Variants in KDM5A observed in about 807,000 individuals in gnomAD.
KDM5A encodes lysine demethylase 5A.
Under a neutral mutation model 193.5 loss-of-function variants are expected in KDM5A, and 42 were observed. The ratio of observed to expected loss-of-function variants is 0.22; its 90% CI spans 0.17 to 0.28. KDM5A has a LOEUF of 0.28. KDM5A is among the 10% of genes least tolerant of loss of function. The pLI, the probability that KDM5A is intolerant of heterozygous loss-of-function variation, is 1.00. For missense variants in KDM5A, 1,692 were observed against 2,055.1 expected (o/e 0.82, Z 3.42); for synonymous variants, 796 against 718.1 (o/e 1.11, Z -1.73).
intron 4 of KDM5A, among the ~76,000 whole-genome samples, chr12:365,108 A>G (rs1275098535): frequency 6.6e-6 from 1 of 152,030 alleles, no homozygotes; most frequent in Non-Finnish European, 1.5e-5. Flanking sequence ...GCTGGAGTGC[A>G]GTGGCAGGAT....
chr12:318,165 C>G lies in KDM5A; in HGVS notation c.2838G>C (p.Gln946His). Residue 946 changes from glutamine to histidine, a missense_variant, in exon 19 of 28, where the codon CAG becomes CAC. Around this residue, in one of 11 missense-constraint regions of KDM5A, gnomAD observed 965 missense variants for 1,061.0 expected, o/e 0.91. Transcript: ENST00000399788. Reference sequence around the variant, plus strand: ...ATCGTTCAGAGACTGTAAGGAGCTCCTGTAGTTCAGCCATTGCTTTCTCCA... The same window carrying G: ...ATCGTTCAGAGACTGTAAGGAGCTCGTGTAGTTCAGCCATTGCTTTCTCCA... ...HAVEKAMAEL[Q>H]ELLTVSERWE... 6.2e-7 allele frequency: 1 copy of G among 1,614,234 alleles called. No individual in the cohort carries two copies. The highest frequency in any genetic ancestry group is 8.5e-7 in the Non-Finnish European group (1 of 1,180,032).
chr12:356,630 C>A, intron 5 of KDM5A, 93 bp from the exon 6 acceptor site: 1 of 778,606 alleles, frequency 1.3e-6, no homozygotes, highest in Admixed American at 2.0e-5. Flanking sequence ...CTCTTCAACA[C>A]GGAAGAACAA....
In KDM5A at chr12:374,693, T is replaced by C. The variant is rs368509117; in HGVS notation, c.367-8589A>G. On this transcript the variant is annotated intron_variant, in intron 3 of 27. Transcript: ENST00000399788. ...TCGATGGTCTTTACAGTTTGGCATG[T>C]TTTTGCAGTGGCTGGTACCAGTTGT... is the stretch of plus-strand genomic sequence containing the variant. 2.6e-4 allele frequency among the ~76,000 whole-genome samples: 40 copies of C among 152,328 alleles called. No individual in the cohort carries two copies. The East Asian group carries it at 7.1e-3, about 27-fold the overall frequency.
intron 3 of KDM5A, among the ~76,000 whole-genome samples, chr12:382,393 G>A (rs968912622): frequency 1.3e-5 from 2 of 151,766 alleles, no homozygotes; most frequent in Middle Eastern, 3.2e-3. Flanking sequence ...AACCCGGGAG[G>A]TGGAGGCTGC....
chr12:338,578 C>T (rs895885157), intron 10 of KDM5A, among the ~76,000 whole-genome samples: 9 of 152,130 alleles, frequency 5.9e-5, no homozygotes, highest in African/African-American at 2.2e-4. Context: ...CATGAGTCCT[C>T]CCTGAATATC....
Position 285,509 on chromosome 12 carries a change from A to C in KDM5A, c.5020T>G (p.Ser1674Ala), listed in dbSNP as rs750349876. 1.3e-5 allele frequency: 21 copies of C among 1,613,892 alleles called. No individual in the cohort carries two copies. The highest frequency in any genetic ancestry group is 1.8e-5 in the Non-Finnish European group (21 of 1,179,932). ...PVSPGPAPPP[S>A]FIMSYKLPME... ...GGTAGTTTGTAGCTCATTATGAAGG[A>C]AGGAGGTGGTGCTGGACCTGGGCTA... is the stretch of plus-strand genomic sequence containing the variant. The change falls in exon 28 of 28, where the codon TCC (serine) becomes GCC (alanine). Residue 1674 changes from serine to alanine, a missense_variant. Ser to Ala is a moderately conservative substitution (Grantham distance 99, BLOSUM62 1). This residue lies in a region of KDM5A where 41 missense variants were observed against 36.3 expected (regional missense o/e 1.13). Transcript: ENST00000399788.
chr12:319,369 G>A (rs537728419), intron 18 of KDM5A, among the ~76,000 whole-genome samples: 1 of 152,308 alleles, frequency 6.6e-6, no homozygotes, highest in East Asian at 1.9e-4. Flanking sequence ...TTTGCTTTGG[G>A]ATATATTTTG....
intron 22 of KDM5A, among the ~76,000 whole-genome samples, chr12:309,169 C>A (rs913077643): frequency 6.6e-6 from 1 of 152,160 alleles, no homozygotes; most frequent in African/African-American, 2.4e-5. Flanking sequence ...ACAGCAGGTC[C>A]TCAAATAACA....
chr12:329,320 C>G (rs1254165689), intron 13 of KDM5A: 4 of 426,858 alleles, frequency 9.4e-6, no homozygotes, highest in Non-Finnish European at 1.7e-5. Context: ...TGGTATATAA[C>G]TGAGGCAGCA....
chr12:340,539 C>T (rs981091044), intron 10 of KDM5A, among the ~76,000 whole-genome samples: 11 of 151,552 alleles, frequency 7.3e-5, no homozygotes, highest in African/African-American at 2.7e-4. Context: ...ACTAAAAATA[C>T]AAAAAATTAG....
At position 329,238 on chromosome 12, in the gene KDM5A, A is replaced by G. The variant is rs1184555973; in HGVS notation, c.1774-209T>C. ...AAAGGCTTTCCCACAGAAAATTCCCATAATCTGAGATGCTAAATTTCTGGC... is the reference window on the plus strand; with the variant it reads ...AAAGGCTTTCCCACAGAAAATTCCCGTAATCTGAGATGCTAAATTTCTGGC... On this transcript the variant is annotated intron_variant, in intron 13 of 27. Transcript: ENST00000399788. The G allele has an allele frequency of 5.2e-6, 3 of 581,874 alleles. No individual in the cohort carries two copies. In the African/African-American group the frequency reaches 5.6e-5, roughly 11 times the overall value. 36.0% of individuals were successfully genotyped at this position (581,874 alleles called of 1,614,324 possible). A position where few individuals can be genotyped will look rare whatever the true frequency, so the allele number is the denominator to read the frequency against.
At chr12:380,987 G>A (rs1591942471) in intron 3 of KDM5A, among the ~76,000 whole-genome samples, 1 of 106,524 alleles carries the variant, frequency 9.4e-6, no homozygotes, top group South Asian at 3.0e-4. Flanking sequence ...GTAGAGATAG[G>A]TTTTATTTTA....
intron 5 of KDM5A, among the ~76,000 whole-genome samples, chr12:361,406 G>A (rs1359432618): frequency 6.6e-6 from 1 of 152,260 alleles, no homozygotes; most frequent in Admixed American, 6.5e-5. Flanking sequence ...GTGTTAGCCA[G>A]GATGGTCTTG....
In KDM5A at chr12:363,030, T is replaced by G. The variant is rs1944311505; in HGVS notation, c.605A>C (p.Gln202Pro). The change falls in exon 5 of 28, where the codon CAA becomes CCA. Residue 202 changes from glutamine to proline, a missense_variant. Gln to Pro is a moderately conservative substitution (Grantham distance 76). Transcript: ENST00000399788. ...CCTTGTGCCTGGCTCTGGGGAAGTT[T>G]GGGTATCAGTGCTGAGAACCTCAGG... ...VEPEVLSTDT[Q>P]TSPEPGTRMN... is the part of the protein sequence containing the mutation. 1.2e-6 allele frequency: 2 copies of G among 1,614,056 alleles called. No individual in the cohort carries two copies. Among genetic ancestry groups the G allele is most frequent in the Non-Finnish European group, 1.7e-6 (2 of 1,180,022 alleles).
chr12:285,491 T>G lies in KDM5A; in HGVS notation c.5038A>C (p.Lys1680Gln), dbSNP rs761283195. 1.7e-5 allele frequency: 28 copies of G among 1,613,950 alleles called. No individual in the cohort carries two copies. In the South Asian group the frequency reaches 3.1e-4, roughly 18 times the overall value. The change falls in exon 28 of 28, where the codon AAA becomes CAA. Residue 1680 changes from lysine (K) to glutamine (Q), a missense_variant. Physicochemically the swap from Lys to Gln is moderately conservative, Grantham distance 53. Transcript: ENST00000399788. Reference protein sequence around the residue: ...APPPSFIMSYKLPMEDLKETS With the variant: ...APPPSFIMSYQLPMEDLKETS ...TCTTTAAGATCCTCCATTGGTAGTT[T>G]GTAGCTCATTATGAAGGAAGGAGGT...
chr12:321,877 T>C lies in KDM5A; in HGVS notation c.2426+540A>G, dbSNP rs542834792. On this transcript the variant is annotated intron_variant, in intron 17 of 27. Transcript: ENST00000399788. ...CAGGCATTGTTCTAAGCACAAGAAA[T>C]ATGGCAATGAAAAAAAAATCCCTGA... 1.1e-3 allele frequency among the ~76,000 whole-genome samples: 168 copies of C among 151,926 alleles called. 2 individuals are homozygous for C. The highest frequency in any genetic ancestry group is 3.9e-3 in the African/African-American group (163 of 41,422).
At chr12:340,681 C>T (rs1303746938) in intron 10 of KDM5A, among the ~76,000 whole-genome samples, 2 of 112,012 alleles carry the variant, frequency 1.8e-5, no homozygotes, top group Admixed American at 1.3e-4. Flanking sequence ...GGCAACAGTG[C>T]GAGACTCCAT....
chr12:336,218 G>T (rs536398004), intron 10 of KDM5A, among the ~76,000 whole-genome samples: 1 of 151,758 alleles, frequency 6.6e-6, no homozygotes, highest in South Asian at 2.1e-4. Context: ...AATTAGTCAG[G>T]CGTGGTGGCG....
chr12:306,781 GTT>G, intron 24 of KDM5A, 163 bp downstream of exon 24: 2 of 722,856 alleles, frequency 2.8e-6, no homozygotes, highest in South Asian at 1.6e-5. Context: ...AACCTGTAAT[GTT>G]TTGAGTTTTG....
Sources: gnomAD v4.1 joint callset for allele counts (sites outside exome capture counted in the v4.1 genomes callset) on GRCh38, gnomAD v4.1.1 for gene constraint, gnomAD v4.1.1 regional missense constraint, MANE v1.5 for transcripts, NCBI Gene and HGNC (gene_info 2026-07-23, HGNC 2026-07-21) for gene names.